Variants in SLC2A13 observed in about 807,000 individuals in gnomAD.
SLC2A13 encodes solute carrier family 2 member 13.
In SLC2A13, 32 loss-of-function variants were observed where a neutral mutation model predicts 64.4. The observed-to-expected ratio is 0.50, with a 90% CI of 0.37 to 0.67. The LOEUF (loss-of-function observed/expected upper bound fraction) is 0.67. Among genes scored for constraint, SLC2A13 ranks in the 30% least tolerant of loss-of-function variants. SLC2A13 has a pLI of 0.00. For synonymous variants in SLC2A13, 338 were observed against 327.1 expected, an observed-to-expected ratio of 1.03 and a Z score of -0.36; for missense variants, 743 against 829.2, an observed-to-expected ratio of 0.90 and a Z score of 1.28.
intron 4 of SLC2A13, among the ~76,000 whole-genome samples, chr12:39,927,136 A>C (rs1053841315): frequency 1.3e-5 from 2 of 152,204 alleles, no homozygotes; most frequent in Non-Finnish European, 2.9e-5. Context: ...GATTCTTGTC[A>C]GCCATATGTC....
At chr12:39,812,996 ATTTTTTTTTTTTTTTT>A (rs71449493) in intron 7 of SLC2A13, among the ~76,000 whole-genome samples, 1 of 40,602 alleles carries the variant, frequency 2.5e-5, no homozygotes, top group African/African-American at 9.3e-5. Flanking sequence ...TGCCCAGCTA[ATTTTTTTTTTTTTTTT>A]TTTTTTTTTT....
intron 4 of SLC2A13, among the ~76,000 whole-genome samples, chr12:39,893,350 A>G (rs1377512931): frequency 6.6e-6 from 1 of 152,074 alleles, no homozygotes. Flanking sequence ...CCCAGGCTGG[A>G]GCACAGTGGT....
At chr12:39,790,460 A>C (rs1566792713) in intron 7 of SLC2A13, among the ~76,000 whole-genome samples, 2 of 148,360 alleles carry the variant, frequency 1.3e-5, no homozygotes, top group African/African-American at 5.0e-5. Context: ...ATGAGTGAGA[A>C]TATGCGGTGT....
At chr12:39,843,490 A>G (rs1943227825) in intron 6 of SLC2A13, among the ~76,000 whole-genome samples, 1 of 152,130 alleles carries the variant, frequency 6.6e-6, no homozygotes. Context: ...TGTGAAAGAT[A>G]TAAATAATGT....
At chr12:40,063,377 A>G (rs1948456180) in intron 1 of SLC2A13, among the ~76,000 whole-genome samples, 1 of 152,084 alleles carries the variant, frequency 6.6e-6, no homozygotes, top group Non-Finnish European at 1.5e-5. Context: ...TTGAAATCCA[A>G]ATTAGTTTTC....
At chr12:39,997,675 C>CA (rs1947254671) in intron 3 of SLC2A13, among the ~76,000 whole-genome samples, 1 of 151,940 alleles carries the variant, frequency 6.6e-6, no homozygotes, top group South Asian at 2.1e-4. Flanking sequence ...CTAAAAAATA[C>CA]AAAAAATTAT....
At chr12:39,906,785 T>TA (rs1945295367) in intron 4 of SLC2A13, among the ~76,000 whole-genome samples, 1 of 152,140 alleles carries the variant, frequency 6.6e-6, no homozygotes, top group Non-Finnish European at 1.5e-5. Context: ...ACGATTATTT[T>TA]AAATTGAACG....
chr12:39,983,231 G>A (rs2136152626), intron 3 of SLC2A13, among the ~76,000 whole-genome samples: 1 of 142,692 alleles, frequency 7.0e-6, no homozygotes, highest in East Asian at 2.3e-4. Flanking sequence ...AACCCTAGAA[G>A]AAAACCTAGG....
chr12:39,945,428 C>T (rs1316136166), intron 4 of SLC2A13, among the ~76,000 whole-genome samples: 3 of 152,086 alleles, frequency 2.0e-5, no homozygotes, highest in Non-Finnish European at 2.9e-5. Context: ...AAGTTTTCCT[C>T]GATTATTCCC....
intron 7 of SLC2A13, among the ~76,000 whole-genome samples, chr12:39,827,990 G>A (rs1942741332): frequency 6.6e-6 from 1 of 152,024 alleles, no homozygotes; most frequent in Admixed American, 6.6e-5. Flanking sequence ...GGGAATCCAA[G>A]GTCATGGTTG....
chr12:40,002,334 T>A (rs917709588), intron 3 of SLC2A13, among the ~76,000 whole-genome samples: 3 of 152,046 alleles, frequency 2.0e-5, no homozygotes, highest in Admixed American at 2.0e-4. Context: ...ATTTAAAAAG[T>A]GGCAAAGTCC....
chr12:40,032,769 T>C (rs1407469207), intron 2 of SLC2A13, among the ~76,000 whole-genome samples: 1 of 152,246 alleles, frequency 6.6e-6, no homozygotes, highest in Non-Finnish European at 1.5e-5. Flanking sequence ...TGCTCTCACC[T>C]ATGTAACTAA....
intron 3 of SLC2A13, among the ~76,000 whole-genome samples, chr12:40,011,956 A>G (rs905370527): frequency 8.5e-5 from 13 of 152,340 alleles, no homozygotes; most frequent in Non-Finnish European, 1.8e-4. Flanking sequence ...CCAGCCCTGC[A>G]ATAGCCACCT....
intron 6 of SLC2A13, among the ~76,000 whole-genome samples, chr12:39,839,307 A>G (rs903936094): frequency 6.6e-6 from 1 of 152,052 alleles, no homozygotes; most frequent in Admixed American, 6.6e-5. Context: ...GCCAGAGCAT[A>G]GATGTCGGTT....
chr12:39,759,880 C>T lies in SLC2A13; in HGVS notation c.*146G>A, dbSNP rs112014626. On this transcript the variant is annotated 3_prime_UTR_variant, in exon 10 of 10. Coordinates refer to ENST00000280871, the MANE Select transcript of SLC2A13 (RefSeq NM_052885.4). The stretch of plus-strand genomic sequence containing the variant: ...AAAAAAGTCATCATGGTTGTATCTT[C>T]CTCCTAATCAAGTATTCTAGAATAT... 119 of 604,070 alleles carry T rather than the reference C, an allele frequency of 2.0e-4. No homozygotes were observed. The African/African-American group carries it at 2.0e-3, about 10-fold the overall frequency. The allele number at this position is 604,070 out of a possible 1,614,324, so 37.4% of individuals were successfully genotyped here. A position where few individuals can be genotyped will look rare whatever the true frequency, so the allele number is the denominator to read the frequency against.
intron 3 of SLC2A13, among the ~76,000 whole-genome samples, chr12:39,979,359 A>G (rs1490918681): frequency 1.3e-5 from 2 of 149,234 alleles, no homozygotes; most frequent in South Asian, 4.4e-4. Context: ...AAGGCTTCAG[A>G]CGATCAAATT....
chr12:40,067,585 G>T (rs1265442375), intron 1 of SLC2A13, among the ~76,000 whole-genome samples: 1 of 152,020 alleles, frequency 6.6e-6, no homozygotes, highest in Non-Finnish European at 1.5e-5. Context: ...TGCAATTAGT[G>T]TTAATTTCTA....
chr12:40,048,136 T>C lies in SLC2A13; in HGVS notation c.631A>G (p.Ile211Val). The C allele has an allele frequency of 6.2e-7, 1 of 1,613,666 alleles. No homozygotes were observed. Among genetic ancestry groups the C allele is most frequent in the African/African-American group, 1.3e-5 (1 of 75,026 alleles). The change falls in exon 2 of 10, where the codon ATT becomes GTT. Residue 211 changes from isoleucine to valine, a missense_variant. Coordinates refer to ENST00000280871, the MANE Select transcript of SLC2A13 (RefSeq NM_052885.4). The part of the protein sequence containing the change: ...PPNLRGRLVT[I>V]NTLFITGGQF... ...CCTCCTGTGATGAAGAGGGTATTAA[T>C]GGTGACTAATCGGCCTCTTAAATTG...
At chr12:39,902,381 T>C (rs1945149387) in intron 4 of SLC2A13, among the ~76,000 whole-genome samples, 1 of 151,856 alleles carries the variant, frequency 6.6e-6, no homozygotes, top group South Asian at 2.1e-4. Context: ...AGTGAAAAGA[T>C]ATGTACATAC....
Sources: gnomAD v4.1 joint callset for allele counts (sites outside exome capture counted in the v4.1 genomes callset) on GRCh38, gnomAD v4.1.1 for gene constraint, MANE v1.5 for transcripts, NCBI Gene and HGNC (gene_info 2026-07-23, HGNC 2026-07-21) for gene names.